The following ALDOA variants were observed in gnomAD, a reference collection of about 807,000 sequenced individuals.
The protein encoded by ALDOA is fructose-bisphosphate aldolase A.
ALDOA carries 26 observed loss-of-function variants against 43.9 expected under a neutral mutation model. The ratio of observed to expected loss-of-function variants is 0.59; its 90% CI spans 0.43 to 0.82. The LOEUF is 0.82. ALDOA is among the 40% of genes least tolerant of loss of function. The pLI, the probability that ALDOA is intolerant of heterozygous loss-of-function variation, is 0.00. For missense variants in ALDOA, 498 were observed against 549.5 expected (o/e 0.91, Z 0.94); for synonymous variants, 258 against 222.6 (o/e 1.16, Z -1.42).
At position 30,070,139 on chromosome 16, in the gene ALDOA, GA is replaced by G. The variant is rs1366484469; in HGVS notation, c.1187del (p.Lys396SerfsTer43). On this transcript the variant is annotated frameshift_variant, in exon 10 of 10. Transcript: ENST00000642816. LOFTEE classifies it high-confidence loss of function. ...RALANSLACQ[G>X]KYTPSGQAGA... The stretch of plus-strand genomic sequence containing the variant: ...TAGGCCAACAGCCTTGCCTGTCAAG[GA>G]AAGTACACTCCGAGCGGTCAGGCTG... 1.9e-6 allele frequency: 3 copies of G among 1,614,106 alleles called. No homozygotes were observed. Among genetic ancestry groups the G allele is most frequent in the Non-Finnish European group, 2.5e-6 (3 of 1,180,044 alleles).
At position 30,067,625 on chromosome 16, in the gene ALDOA, A is replaced by G. The variant is rs765436514; in HGVS notation, c.450A>G (p.Gln150=). The change falls in exon 4 of 10, where the codon CAA becomes CAG. Residue 150 remains glutamine (Q), a synonymous_variant. Coordinates refer to ENST00000642816, the MANE Select transcript of ALDOA (RefSeq NM_001243177.4). The part of the protein sequence containing the change: ...QKADDGRPFP[Q]VIKSKGGVVG... ...CGGATGATGGGCGTCCCTTCCCCCA[A>G]GTTATCAAATCCAAGGGCGGTGTTG... 2.5e-6 allele frequency: 4 copies of G among 1,614,142 alleles called. No individual in the cohort carries two copies. Among genetic ancestry groups the G allele is most frequent in the South Asian group, 1.1e-5 (1 of 91,090 alleles).
Position 30,067,572 on chromosome 16 carries a change from C to T in ALDOA, c.397C>T (p.Leu133Phe), listed in dbSNP as rs1371062971. ...RVNPCIGGVILFHETLYQKAD... is the reference protein window; with the variant it reads ...RVNPCIGGVIFFHETLYQKAD... ...GAACCCCTGCATTGGGGGTGTCATC[C>T]TCTTCCATGAGACACTCTACCAGAA... Residue 133 changes from leucine to phenylalanine, a missense_variant, in exon 4 of 10, where the codon CTC becomes TTC. Coordinates refer to ENST00000642816, the MANE Select transcript of ALDOA (RefSeq NM_001243177.4). 3 of 1,613,956 alleles carry T rather than the reference C, an allele frequency of 1.9e-6. No homozygotes were observed. Among genetic ancestry groups the T allele is most frequent in the Non-Finnish European group, 2.5e-6 (3 of 1,180,046 alleles).
At position 30,066,919 on chromosome 16, in the gene ALDOA, G is replaced by C; in HGVS notation, c.22G>C (p.Gly8Arg). MARRKPE[G>R]SSFNMTHLSM... ...CCCCATGGCAAGGCGCAAGCCAGAA[G>C]GGTCCAGCTTCAACATGACCCACCT... Residue 8 changes from glycine (G) to arginine (R), a missense_variant, in exon 2 of 10, where the codon GGG becomes CGG. Physicochemically the swap from Gly to Arg is moderately radical, Grantham distance 125 (BLOSUM62 -2). Transcript: ENST00000642816. The C allele has an allele frequency of 1.9e-6, 3 of 1,550,748 alleles. No homozygotes were observed. The highest frequency in any genetic ancestry group is 2.6e-6 in the Non-Finnish European group (3 of 1,147,036).
Position 30,070,196 on chromosome 16 carries a change from C to A in ALDOA, c.1241C>A (p.Ser414Tyr), listed in dbSNP as rs1359793740. 6.2e-7 allele frequency: 1 copy of A among 1,614,166 alleles called. No individual in the cohort carries two copies. The highest frequency in any genetic ancestry group is 8.5e-7 in the Non-Finnish European group (1 of 1,180,036). Residue 414 changes from serine to tyrosine, a missense_variant, in exon 10 of 10, where the codon TCT (serine) becomes TAT (tyrosine). Ser to Tyr is a moderately radical substitution (Grantham distance 144). Coordinates refer to ENST00000642816, the MANE Select transcript of ALDOA (RefSeq NM_001243177.4). ...GCTGCCAGCGAGTCCCTCTTCGTCT[C>A]TAACCACGCCTATTAAGCGGAGGTG... ...GAAASESLFVSNHAY is the reference protein window; with the variant it reads ...GAAASESLFVYNHAY
chr16:30,068,096 G>A (rs890467447), intron 4 of ALDOA: 5 of 215,246 alleles, frequency 2.3e-5, no homozygotes, highest in African/African-American at 1.1e-4. Flanking sequence ...ATGGAGTCTC[G>A]CTGTCTCCCA....
chr16:30,065,019 G>A (rs370908261), upstream of ALDOA, among the ~76,000 whole-genome samples: 5 of 152,268 alleles, frequency 3.3e-5, no homozygotes, highest in African/African-American at 1.2e-4. Context: ...AGCGGCCGGT[G>A]CATAGCCGCG....
At position 30,067,644 on chromosome 16, in the gene ALDOA, G is replaced by A. The variant is rs762797482; in HGVS notation, c.469G>A (p.Gly157Ser). The A allele has an allele frequency of 2.5e-6, 4 of 1,614,034 alleles. No individual in the cohort carries two copies. The highest frequency in any genetic ancestry group is 4.5e-5 in the East Asian group (2 of 44,898). The change falls in exon 4 of 10, where the codon GGT (glycine) becomes AGT (serine). Residue 157 changes from glycine to serine, a missense_variant. By Grantham distance (56) the Gly-to-Ser change is moderately conservative. Transcript: ENST00000642816. ...CCCCCAAGTTATCAAATCCAAGGGC[G>A]GTGTTGTGGGCATCAAGGTAAGGGG... is the stretch of plus-strand genomic sequence containing the variant. ...PFPQVIKSKGGVVGIKVDKGV... is the reference protein window; with the variant it reads ...PFPQVIKSKGSVVGIKVDKGV...
rs2072146160 is a variant in ALDOA, at chr16:30,067,248, C to T, written c.156C>T (p.Thr52=). Residue 52 remains threonine, a synonymous_variant, in exon 3 of 10, where the codon ACC becomes ACT. Coordinates refer to ENST00000642816, the MANE Select transcript of ALDOA (RefSeq NM_001243177.4). ...CCTGTATCCAGGAACTTGCTACTAC[C>T]AGCACCATGCCCTACCAATATCCAG... The part of the protein sequence containing the change: ...QTELGKELAT[T]STMPYQYPAL... The T allele has an allele frequency of 6.2e-7, 1 of 1,612,270 alleles. No homozygotes were observed.
rs1169847577 is a variant in ALDOA at position 30,068,559 on chromosome 16, C to T, written c.487-87C>T. The T allele has an allele frequency of 2.1e-6, 3 of 1,455,078 alleles. No individual in the cohort carries two copies. The Admixed American group carries it at 5.2e-5, about 25-fold the overall frequency. 90.1% of individuals were successfully genotyped at this position (1,455,078 alleles called of 1,614,324 possible). On this transcript the variant is annotated intron_variant, in intron 4 of 9. Transcript: ENST00000642816. ...TGGAGGCTTCAGTGAGCTGAGATTCCACCACTGTACTCCAGCCGGGGCGAC... is the reference window on the plus strand; with the variant it reads ...TGGAGGCTTCAGTGAGCTGAGATTCTACCACTGTACTCCAGCCGGGGCGAC...
intron 4 of ALDOA, 172 bp downstream of exon 4, chr16:30,067,833 A>G: frequency 1.3e-6 from 1 of 747,374 alleles, no homozygotes; most frequent in South Asian, 1.6e-5. Context: ...CTGAGAGAAC[A>G]GTATCATTCC....
At chr16:30,067,894 CAG>C in intron 4 of ALDOA, 2 of 590,154 alleles carry the variant, frequency 3.4e-6, no homozygotes, top group Non-Finnish European at 3.0e-6. Flanking sequence ...GTGTTTTGCT[CAG>C]AGTAAGTGGC....
At chr16:30,069,711 T>C in intron 8 of ALDOA, 38 bp downstream of exon 8, 1 of 1,612,562 alleles carries the variant, frequency 6.2e-7, no homozygotes, top group Non-Finnish European at 8.5e-7. Flanking sequence ...ATGCAGTAGA[T>C]AAGCTCCACC....
intron 6 of ALDOA, 61 bp from the exon 7 acceptor site, chr16:30,069,245 G>C: frequency 6.4e-7 from 1 of 1,560,388 alleles, no homozygotes; most frequent in Admixed American, 1.7e-5. Flanking sequence ...TGGCTGTGGA[G>C]AGATGTAGGT....
At chr16:30,066,764 C>T (rs1201557433) in intron 1 of ALDOA, 121 bp from the exon 2 acceptor site, 5 of 1,118,756 alleles carry the variant, frequency 4.5e-6, no homozygotes, top group Non-Finnish European at 6.3e-6. Flanking sequence ...TCCGGGGTTG[C>T]TGTGTGGCTT....
At chr16:30,069,701 A>C in intron 8 of ALDOA, 28 bp downstream of exon 8, 2 of 1,612,624 alleles carry the variant, frequency 1.2e-6, no homozygotes, top group East Asian at 4.5e-5. Context: ...CTTGATCTCT[A>C]TGCAGTAGAT....
intron 7 of ALDOA, 46 bp downstream of exon 7, chr16:30,069,435 C>T (rs1338799408): frequency 5.0e-6 from 8 of 1,613,878 alleles, no homozygotes; most frequent in Non-Finnish European, 5.9e-6. Flanking sequence ...TGGCCGGGGA[C>T]CCTGGGGCTA....
At chr16:30,069,462 C>A (rs1314945821) in intron 7 of ALDOA, 37 bp from the exon 8 acceptor site, 7 of 1,613,874 alleles carry the variant, frequency 4.3e-6, no homozygotes, top group Non-Finnish European at 5.9e-6. Flanking sequence ...ATCCTCTCCT[C>A]CACCCCACTA....
In ALDOA at chr16:30,068,986, T is replaced by C. The variant is rs894358000; in HGVS notation, c.702+8T>C. 3.1e-6 allele frequency: 5 copies of C among 1,614,126 alleles called. No individual in the cohort carries two copies. In the African/African-American group the frequency reaches 5.3e-5, roughly 17 times the overall value. On this transcript the variant is annotated splice_region_variant and intron_variant, in intron 6 of 9. Transcript: ENST00000642816. ...GCCAGTATCTGCCAGCAGGTGGGCC[T>C]GCAGGTCCTCAATAGGCAACCTCCT...
chr16:30,064,464 C>T (rs1026042652), upstream of ALDOA: 2 of 398,718 alleles, frequency 5.0e-6, no homozygotes, highest in Non-Finnish European at 8.8e-6. Context: ...AACCAAGGGC[C>T]TCCGTCTGGA....
Sources: allele counts gnomAD v4.1 joint callset (sites outside exome capture counted in the v4.1 genomes callset), GRCh38; gene constraint gnomAD v4.1.1; transcripts MANE v1.5; gene names NCBI Gene and HGNC (gene_info 2026-07-23, HGNC 2026-07-21).